The following NPAS3 variants were observed in gnomAD, a reference collection of about 807,000 sequenced individuals.
NPAS3 encodes neuronal PAS domain protein 3.
Under a neutral mutation model 73.1 loss-of-function variants are expected in NPAS3, and 14 were observed. That is an observed-to-expected ratio of 0.19 (90% CI 0.13 to 0.30). NPAS3 has a LOEUF of 0.30. NPAS3 is among the 10% of genes least tolerant of loss of function. The probability of loss-of-function intolerance (pLI) is 1.00; values close to 1 mark genes in which losing one functional copy is unlikely to be tolerated. For synonymous variants in NPAS3, 620 were observed against 541.5 expected (o/e 1.14, Z -2.01); for missense variants, 1,096 against 1,250.0 (o/e 0.88, Z 1.86).
At chr14:33,156,863 T>G (rs962352312) in intron 2 of NPAS3, among the ~76,000 whole-genome samples, 2 of 152,222 alleles carry the variant, frequency 1.3e-5, no homozygotes, top group African/African-American at 4.8e-5. Context: ...AATAATATAT[T>G]TCGCAATGAG....
chr14:33,132,787 A>G (rs1010393607), intron 2 of NPAS3, among the ~76,000 whole-genome samples: 2 of 152,190 alleles, frequency 1.3e-5, no homozygotes, highest in Non-Finnish European at 2.9e-5. Context: ...GCCAGATGGT[A>G]GTGACTTTAG....
At chr14:33,482,705 C>A (rs893234390) in intron 4 of NPAS3, among the ~76,000 whole-genome samples, 1 of 152,016 alleles carries the variant, frequency 6.6e-6, no homozygotes, top group African/African-American at 2.4e-5. Context: ...CCAGCGAGGT[C>A]TGGTCTCTTT....
chr14:33,198,400 T>C (rs1436666152), intron 2 of NPAS3, among the ~76,000 whole-genome samples: 1 of 152,210 alleles, frequency 6.6e-6, no homozygotes, highest in African/African-American at 2.4e-5. Context: ...GGGTGCTGAT[T>C]GGCAGATTTA....
chr14:33,557,658 T>A (rs2055420772), intron 4 of NPAS3, among the ~76,000 whole-genome samples: 2 of 152,194 alleles, frequency 1.3e-5, no homozygotes, highest in South Asian at 4.1e-4. Context: ...TAATCCTCAA[T>A]TTCCTTGTAT....
chr14:33,575,485 A>C (rs1310695840), intron 5 of NPAS3, among the ~76,000 whole-genome samples: 1 of 152,170 alleles, frequency 6.6e-6, no homozygotes, highest in African/African-American at 2.4e-5. Flanking sequence ...AATTGTTCCT[A>C]ACATTTCTGT....
chr14:33,175,175 A>G lies in NPAS3; in HGVS notation c.141-40007A>G, dbSNP rs141521645. On this transcript the variant is annotated intron_variant, in intron 2 of 11. Coordinates refer to ENST00000356141, the Ensembl canonical transcript of NPAS3. Reference sequence around the variant, plus strand: ...AAAATATTGATTGACATAATTTAAAATGTAGATGGTAAAGGCAAAATACTT... The same window carrying G: ...AAAATATTGATTGACATAATTTAAAGTGTAGATGGTAAAGGCAAAATACTT... Among the ~76,000 whole-genome samples, 3 of 152,326 alleles carry G rather than the reference A, an allele frequency of 2.0e-5. No homozygotes were observed. The East Asian group carries it at 5.8e-4, about 29-fold the overall frequency.
intron 5 of NPAS3, among the ~76,000 whole-genome samples, chr14:33,616,857 C>A (rs79692862): frequency 6.6e-6 from 1 of 152,054 alleles, no homozygotes; most frequent in Non-Finnish European, 1.5e-5. Context: ...CTCTGTCAGC[C>A]GAGTTTGTCC....
chr14:32,991,985 A>G (rs2038354273), intron 1 of NPAS3, among the ~76,000 whole-genome samples: 1 of 152,244 alleles, frequency 6.6e-6, no homozygotes, highest in African/African-American at 2.4e-5. Flanking sequence ...AATCACACAG[A>G]TGGAATGCTT....
At chr14:33,414,579 GCTTTCATCCACAATC>G (rs1453335733) in intron 4 of NPAS3, among the ~76,000 whole-genome samples, 1 of 152,014 alleles carries the variant, frequency 6.6e-6, no homozygotes, top group African/African-American at 2.4e-5. Context: ...AACAACAAAG[GCTTTCATCCACAATC>G]CTTTCCAAGC....
chr14:33,418,012 A>G (rs760822970), intron 4 of NPAS3, among the ~76,000 whole-genome samples: 2 of 151,638 alleles, frequency 1.3e-5, no homozygotes, highest in Non-Finnish European at 2.9e-5. Context: ...AAGGACATAG[A>G]TAAATATTAA....
intron 2 of NPAS3, among the ~76,000 whole-genome samples, chr14:33,107,873 C>T (rs958456513): frequency 2.6e-5 from 4 of 152,074 alleles, no homozygotes; most frequent in Non-Finnish European, 5.9e-5. Flanking sequence ...AAACAGTAAG[C>T]GGTAGAAACA....
chr14:32,970,443 T>G (rs918581012), intron 1 of NPAS3, among the ~76,000 whole-genome samples: 21 of 152,184 alleles, frequency 1.4e-4, no homozygotes, highest in African/African-American at 5.1e-4. Context: ...TACTTTTTAT[T>G]GCTAATTAAA....
At chr14:33,512,551 A>G (rs1229514474) in intron 4 of NPAS3, among the ~76,000 whole-genome samples, 2 of 152,082 alleles carry the variant, frequency 1.3e-5, no homozygotes, top group Non-Finnish European at 2.9e-5. Flanking sequence ...AAAACAATTT[A>G]ATGGGGTCCC....
At position 33,177,565 on chromosome 14, in the gene NPAS3, T is replaced by C. The variant is rs145916791; in HGVS notation, c.141-37617T>C. ...TTGTTTGCATCTGTTGCTCATACTT[T>C]TGTTGTCATATCCAAGAATCCACTG... On this transcript the variant is annotated intron_variant, in intron 2 of 11. Coordinates refer to ENST00000356141, the Ensembl canonical transcript of NPAS3. 4.3e-4 allele frequency among the ~76,000 whole-genome samples: 65 copies of C among 152,352 alleles called. 3 individuals carry two copies. The highest frequency in any genetic ancestry group is 3.4e-3 in the Middle Eastern group (1 of 294).
chr14:33,037,103 A>G (rs1369443514), intron 1 of NPAS3, among the ~76,000 whole-genome samples: 1 of 152,236 alleles, frequency 6.6e-6, no homozygotes, highest in Non-Finnish European at 1.5e-5. Flanking sequence ...TCGCTTGTGT[A>G]GAGTAGGGGA....
intron 4 of NPAS3, among the ~76,000 whole-genome samples, chr14:33,519,212 T>G (rs2053449001): frequency 6.6e-6 from 1 of 152,152 alleles, no homozygotes; most frequent in African/African-American, 2.4e-5. Context: ...GATTTTACCC[T>G]CCTTTTGTGC....
At chr14:33,621,061 G>C (rs924429698) in intron 5 of NPAS3, among the ~76,000 whole-genome samples, 7 of 152,108 alleles carry the variant, frequency 4.6e-5, no homozygotes, top group African/African-American at 1.7e-4. Flanking sequence ...CATGGCCTAT[G>C]TTAAAGTTAT....
At position 33,263,329 on chromosome 14, in the gene NPAS3, T is replaced by A. The variant is rs549060889; in HGVS notation, c.385+47903T>A. On this transcript the variant is annotated intron_variant, in intron 3 of 11. Transcript: ENST00000356141. ...TAAGGAAGGGATCCAGTTTCAGCTTTCTACGTATGGCTAACCAGTTTTCTC... is the reference window on the plus strand; with the variant it reads ...TAAGGAAGGGATCCAGTTTCAGCTTACTACGTATGGCTAACCAGTTTTCTC... Among the ~76,000 whole-genome samples the A allele has an allele frequency of 1.2e-4, 18 of 152,352 alleles. No individual in the cohort carries two copies. In the South Asian group the frequency reaches 1.2e-3, roughly 11 times the overall value.
intron 3 of NPAS3, among the ~76,000 whole-genome samples, chr14:33,328,404 TTTTA>T (rs1479194873): frequency 2.7e-5 from 4 of 150,202 alleles, no homozygotes; most frequent in East Asian, 1.9e-4. Context: ...TTTTTCTCTA[TTTTA>T]TTTATTGATG....
Sources: gnomAD v4.1 joint callset for allele counts (sites outside exome capture counted in the v4.1 genomes callset) on GRCh38, gnomAD v4.1.1 for gene constraint, MANE v1.5 for transcripts, NCBI Gene and HGNC (gene_info 2026-07-23, HGNC 2026-07-21) for gene names.